SNTB1: variants seen among roughly 807,000 people sequenced by gnomAD.
SNTB1 encodes the protein beta-1-syntrophin.
Under a neutral mutation model 48.9 loss-of-function variants are expected in SNTB1, and 36 were observed. That is an observed-to-expected ratio of 0.74 (90% CI 0.56 to 0.97). SNTB1 has a LOEUF of 0.97. SNTB1 is among the 50% of genes least tolerant of loss of function. The pLI, the probability that SNTB1 is intolerant of heterozygous loss-of-function variation, is 0.00. For missense variants in SNTB1, 786 were observed against 703.4 expected, an observed-to-expected ratio of 1.12 and a Z score of -1.33; for synonymous variants, 299 against 294.6, an observed-to-expected ratio of 1.01 and a Z score of -0.15.
At chr8:120,638,608 C>T (rs1349547347) in intron 2 of SNTB1, among the ~76,000 whole-genome samples, 2 of 152,052 alleles carry the variant, frequency 1.3e-5, no homozygotes, top group African/African-American at 4.8e-5. Flanking sequence ...TTCCTGTGTC[C>T]AAGTGTTCTT....
At chr8:120,609,549 A>G (rs886944878) in intron 3 of SNTB1, among the ~76,000 whole-genome samples, 2 of 152,204 alleles carry the variant, frequency 1.3e-5, no homozygotes, top group Non-Finnish European at 2.9e-5. Flanking sequence ...AGCCCTGTCA[A>G]TATGAGAGTA....
At chr8:120,609,093 A>T (rs1484708934) in intron 3 of SNTB1, among the ~76,000 whole-genome samples, 1 of 152,246 alleles carries the variant, frequency 6.6e-6, no homozygotes, top group Non-Finnish European at 1.5e-5. Flanking sequence ...GTGTCTAAAC[A>T]AGTAAAGGAT....
intron 2 of SNTB1, among the ~76,000 whole-genome samples, chr8:120,691,065 A>G (rs989692474): frequency 2.0e-5 from 3 of 152,186 alleles, no homozygotes; most frequent in Non-Finnish European, 4.4e-5. Context: ...AAAAGTTTGA[A>G]ACTTATTCTC....
chr8:120,678,105 G>A (rs1204790974), intron 2 of SNTB1, among the ~76,000 whole-genome samples: 1 of 152,126 alleles, frequency 6.6e-6, no homozygotes, highest in Non-Finnish European at 1.5e-5. Context: ...CACATTATAA[G>A]TGAAAGTGTG....
chr8:120,567,952 A>C (rs1178723312), intron 4 of SNTB1, among the ~76,000 whole-genome samples: 2 of 152,222 alleles, frequency 1.3e-5, no homozygotes, highest in Non-Finnish European at 2.9e-5. Context: ...AAGACAAATA[A>C]TACTACTAGA....
intron 2 of SNTB1, among the ~76,000 whole-genome samples, chr8:120,641,174 G>A (rs1276574600): frequency 6.6e-6 from 1 of 152,020 alleles, no homozygotes; most frequent in Non-Finnish European, 1.5e-5. Context: ...TGAGTTCATT[G>A]TCTCCCAAAG....
At chr8:120,776,726 A>G (rs866761964) in intron 1 of SNTB1, 1 of 152,222 alleles carries the variant, frequency 6.6e-6, no homozygotes, top group African/African-American at 2.4e-5. Flanking sequence ...GCCTGGTCAT[A>G]TCAGTACCCC....
chr8:120,616,451 C>T (rs1420838145), intron 3 of SNTB1, among the ~76,000 whole-genome samples: 2 of 151,262 alleles, frequency 1.3e-5, no homozygotes, highest in East Asian at 2.0e-4. Flanking sequence ...CAGGGGCACA[C>T]CACAACACCT....
At chr8:120,657,588 A>T (rs1178153641) in intron 2 of SNTB1, among the ~76,000 whole-genome samples, 1 of 152,194 alleles carries the variant, frequency 6.6e-6, no homozygotes, top group East Asian at 1.9e-4. Context: ...AAAATAGGCC[A>T]CTTTATCTCC....
intron 2 of SNTB1, among the ~76,000 whole-genome samples, chr8:120,671,489 GAAATACCAAGGATTA>G (rs1298290459): frequency 6.6e-6 from 1 of 152,220 alleles, no homozygotes; most frequent in Admixed American, 6.5e-5. Context: ...TACAAGCCAA[GAAATACCAAGGATTA>G]AAATACCAAG....
chr8:120,603,918 T>C (rs1311259040), intron 3 of SNTB1, among the ~76,000 whole-genome samples: 4 of 152,164 alleles, frequency 2.6e-5, no homozygotes, highest in Admixed American at 2.6e-4. Flanking sequence ...CCAGGGATGA[T>C]GAAGAAGAGG....
intron 1 of SNTB1, among the ~76,000 whole-genome samples, chr8:120,756,906 A>T (rs1819327564): frequency 6.6e-6 from 1 of 152,206 alleles, no homozygotes; most frequent in Admixed American, 6.5e-5. Context: ...CATGTGGTCA[A>T]GTCACCTCTT....
chr8:120,688,552 A>G (rs955599712), intron 2 of SNTB1, among the ~76,000 whole-genome samples: 1 of 152,198 alleles, frequency 6.6e-6, no homozygotes, highest in African/African-American at 2.4e-5. Context: ...TAGGCATGTA[A>G]GAAAAAAATC....
chr8:120,653,962 C>G (rs895427791), intron 2 of SNTB1, among the ~76,000 whole-genome samples: 2 of 136,748 alleles, frequency 1.5e-5, no homozygotes, highest in South Asian at 2.4e-4. Flanking sequence ...ATGGCGTGAA[C>G]CCGGAAAGCG....
At chr8:120,690,465 A>G (rs1042116229) in intron 2 of SNTB1, among the ~76,000 whole-genome samples, 4 of 152,272 alleles carry the variant, frequency 2.6e-5, no homozygotes, top group African/African-American at 9.6e-5. Flanking sequence ...CTGTTTTGTT[A>G]TGTGGTATGT....
chr8:120,594,961 G>A (rs972095734), intron 3 of SNTB1, among the ~76,000 whole-genome samples: 1 of 151,792 alleles, frequency 6.6e-6, no homozygotes, highest in Admixed American at 6.6e-5. Flanking sequence ...AGTTAAAATG[G>A]TCAATTTTAT....
At chr8:120,660,060 T>G (rs911858512) in intron 2 of SNTB1, among the ~76,000 whole-genome samples, 2 of 152,222 alleles carry the variant, frequency 1.3e-5, no homozygotes, top group African/African-American at 4.8e-5. Context: ...TTTCCATCTA[T>G]AGAACACAGG....
At chr8:120,663,252 T>C (rs991204648) in intron 2 of SNTB1, among the ~76,000 whole-genome samples, 1 of 152,160 alleles carries the variant, frequency 6.6e-6, no homozygotes, top group South Asian at 2.1e-4. Flanking sequence ...AGAACAGTGA[T>C]GACCCTAAAG....
At chr8:120,757,898 G>GCTGATGGCCATGTTTTTCA (rs1188198908) in intron 1 of SNTB1, among the ~76,000 whole-genome samples, 3 of 152,028 alleles carry the variant, frequency 2.0e-5, no homozygotes, top group Non-Finnish European at 4.4e-5. Context: ...CATGTTTTTC[G>GCTGATGGCCATGTTTTTCA]CTAAGTGGGA....
Sources: gnomAD v4.1 joint callset for allele counts (sites outside exome capture counted in the v4.1 genomes callset) on GRCh38, gnomAD v4.1.1 for gene constraint, MANE v1.5 for transcripts, NCBI Gene and HGNC (gene_info 2026-07-23, HGNC 2026-07-21) for gene names.